The following KANK1 variants were observed in gnomAD, a reference collection of about 807,000 sequenced individuals.
KANK1 encodes KN motif and ankyrin repeat domains 1, also known as KN motif and ankyrin repeat domain-containing protein 1.
A neutral mutation model predicts 106.2 loss-of-function variants in KANK1; 109 were observed. The ratio of observed to expected loss-of-function variants is 1.03; its 90% CI spans 0.88 to 1.20. KANK1 has a LOEUF of 1.20. Among genes scored for constraint, KANK1 ranks in the 50% most tolerant of loss-of-function variants. The pLI is 0.00. For synonymous variants in KANK1, 873 were observed against 652.2 expected (o/e 1.34, Z -5.16); for missense variants, 2,399 against 1,710.7 (o/e 1.40, Z -7.10).
chr9:647,645 G>A lies in KANK1; in HGVS notation c.-83-29245G>A, dbSNP rs1839972716. 2.7e-5 allele frequency among the ~76,000 whole-genome samples: 4 copies of A among 150,746 alleles called. No individual in the cohort carries two copies. In the South Asian group the frequency reaches 8.3e-4, roughly 31 times the overall value. Reference sequence around the variant, plus strand: ...GTGAGTATCCATAGTGTCAAATGAGGGGAAACATTGTAACAATGTTAGGAG... The same window carrying A: ...GTGAGTATCCATAGTGTCAAATGAGAGGAAACATTGTAACAATGTTAGGAG... On this transcript the variant is annotated intron_variant, in intron 1 of 11. Coordinates refer to ENST00000382297, the MANE Select transcript of KANK1 (RefSeq NM_015158.5).
At chr9:662,743 T>C (rs1467232490) in intron 1 of KANK1, among the ~76,000 whole-genome samples, 1 of 150,382 alleles carries the variant, frequency 6.6e-6, no homozygotes, top group East Asian at 2.0e-4. Context: ...CTCACTGCAA[T>C]CTCCACCTCC....
At chr9:504,188 C>A (rs377288019), upstream of KANK1, among the ~76,000 whole-genome samples, 1 of 152,192 alleles carries the variant, frequency 6.6e-6, no homozygotes, top group Non-Finnish European at 1.5e-5. Context: ...CCGCCCCAGC[C>A]GGAGATGGGA....
At chr9:558,510 A>G (rs1815488120) in intron 1 of KANK1, among the ~76,000 whole-genome samples, 1 of 152,218 alleles carries the variant, frequency 6.6e-6, no homozygotes, top group African/African-American at 2.4e-5. Flanking sequence ...TTGTTGATTC[A>G]TTAACATTGA....
intron 2 of KANK1, among the ~76,000 whole-genome samples, chr9:679,594 T>C (rs183132087): frequency 2.8e-4 from 43 of 152,250 alleles, no homozygotes; most frequent in Non-Finnish European, 4.9e-4. Flanking sequence ...TTTGTATTTT[T>C]AGTAGAGATG....
chr9:687,035 C>CT lies in KANK1; in HGVS notation c.37+10035dup, dbSNP rs144038355. The CT allele has an allele frequency of 3.9e-4, 243 of 627,370 alleles. 1 individual carries two copies. The highest frequency in any genetic ancestry group is 7.1e-4 in the South Asian group (10 of 14,018). 38.9% of individuals were successfully genotyped at this position (627,370 alleles called of 1,614,324 possible). A position where few individuals can be genotyped will look rare whatever the true frequency, so the allele number is the denominator to read the frequency against. The stretch of plus-strand genomic sequence containing the variant: ...GATACTGCTGAATTTCTTTTCTTTT[C>CT]TTTTTTTTTAATACTGCTGCATTTC... On this transcript the variant is annotated intron_variant, in intron 2 of 11. Coordinates refer to ENST00000382297, the MANE Select transcript of KANK1 (RefSeq NM_015158.5).
intron 1 of KANK1, among the ~76,000 whole-genome samples, chr9:515,151 G>A (rs573021538): frequency 6.6e-6 from 1 of 151,708 alleles, no homozygotes; most frequent in South Asian, 2.1e-4. Context: ...AGACCATCCT[G>A]GCTAACACAG....
In KANK1 at chr9:609,067, G is replaced by A. The variant is rs116923265; in HGVS notation, c.-83-67823G>A. 1.1e-3 allele frequency among the ~76,000 whole-genome samples: 170 copies of A among 151,428 alleles called. 3 individuals carry two copies. The East Asian group carries it at 0.03, about 26-fold the overall frequency. ...ATCGTTGAAAATCTTCATGTTCTCA[G>A]AACTCAAAGGGAAGAAGACTTGACC... is the stretch of plus-strand genomic sequence containing the variant. On this transcript the variant is annotated intron_variant, in intron 1 of 11. Transcript: ENST00000382297.
chr9:561,099 A>G (rs1024493262), intron 1 of KANK1, among the ~76,000 whole-genome samples: 7 of 152,324 alleles, frequency 4.6e-5, no homozygotes, highest in Admixed American at 1.3e-4. Context: ...AGCCAGGGAA[A>G]TAAATGGACT....
intron 3 of KANK1, among the ~76,000 whole-genome samples, chr9:481,294 A>G (rs2058198749): frequency 7.4e-6 from 1 of 135,874 alleles, no homozygotes; most frequent in Non-Finnish European, 1.6e-5. Context: ...ACAAAACAAA[A>G]CAAAAAAAAA....
chr9:567,458 C>A (rs1256051639), intron 1 of KANK1, among the ~76,000 whole-genome samples: 4 of 152,156 alleles, frequency 2.6e-5, no homozygotes, highest in African/African-American at 9.7e-5. Flanking sequence ...TAAATTTTCC[C>A]CGAAGTTAGC....
intron 2 of KANK1, among the ~76,000 whole-genome samples, chr9:700,375 C>T (rs993327636): frequency 6.6e-6 from 1 of 152,184 alleles, no homozygotes; most frequent in Non-Finnish European, 1.5e-5. Context: ...ACAGTGTCAT[C>T]AGGAGATACC....
At chr9:688,847 G>T (rs1387346316) in intron 2 of KANK1, among the ~76,000 whole-genome samples, 1 of 152,190 alleles carries the variant, frequency 6.6e-6, no homozygotes, top group African/African-American at 2.4e-5. Flanking sequence ...CTCTGGTGCA[G>T]CTTGGTGGGC....
intron 2 of KANK1, among the ~76,000 whole-genome samples, chr9:685,104 A>G (rs1208875707): frequency 1.3e-5 from 2 of 152,180 alleles, no homozygotes; most frequent in Non-Finnish European, 2.9e-5. Context: ...TGAGTTACTC[A>G]TTTCCACATG....
In KANK1 at chr9:713,128, G is replaced by T; in HGVS notation, c.2362G>T (p.Val788Leu). 1.2e-6 allele frequency: 2 copies of T among 1,601,180 alleles called. No homozygotes were observed. The highest frequency in any genetic ancestry group is 8.5e-7 in the Non-Finnish European group (1 of 1,171,650). ...AGCTTGTGGGCCACCACAGTTGACTGTGGGGCTGACAGCCAGCAGAAGGAG... is the reference window on the plus strand; with the variant it reads ...AGCTTGTGGGCCACCACAGTTGACTTTGGGGCTGACAGCCAGCAGAAGGAG... ...TIACGPPQLT[V>L]GLTASRRSVG... Residue 788 changes from valine (V) to leucine (L), a missense_variant, in exon 3 of 12, where the codon GTG becomes TTG. By Grantham distance (32) the Val-to-Leu change is conservative. Coordinates refer to ENST00000382297, the MANE Select transcript of KANK1 (RefSeq NM_015158.5).
At chr9:719,277 T>A (rs1828662224) in intron 3 of KANK1, among the ~76,000 whole-genome samples, 1 of 152,174 alleles carries the variant, frequency 6.6e-6, no homozygotes. Context: ...TCAAGCCCTT[T>A]TTCTTAAAAA....
At chr9:652,389 G>A (rs770033281) in intron 1 of KANK1, among the ~76,000 whole-genome samples, 9 of 152,122 alleles carry the variant, frequency 5.9e-5, no homozygotes, top group Non-Finnish European at 1.2e-4. Flanking sequence ...CAGACATAGT[G>A]GTCTGCACCT....
At chr9:530,199 A>G (rs1331662185) in intron 1 of KANK1, among the ~76,000 whole-genome samples, 1 of 152,022 alleles carries the variant, frequency 6.6e-6, no homozygotes, top group African/African-American at 2.4e-5. Flanking sequence ...TCATCTTTTG[A>G]TTCGGGTTAT....
intron 2 of KANK1, chr9:693,469 C>T: frequency 1.0e-6 from 1 of 985,302 alleles, no homozygotes; most frequent in African/African-American, 1.7e-5. Context: ...TTTCATATGC[C>T]TGAAGAGTAT....
rs114264742 is a variant in KANK1, at chr9:650,863, A to G, written c.-83-26027A>G. 8.6e-3 allele frequency among the ~76,000 whole-genome samples: 1,310 copies of G among 152,298 alleles called. 26 individuals are homozygous for G. The highest frequency in any genetic ancestry group is 0.03 in the African/African-American group (1,240 of 41,534). ...TTATTTTACATCTATTAAAGGCTAC[A>G]AGGAAAGAAGTGGAGGGAAGGGCTG... On this transcript the variant is annotated intron_variant, in intron 1 of 11. Coordinates refer to ENST00000382297, the MANE Select transcript of KANK1 (RefSeq NM_015158.5).
Sources: allele counts gnomAD v4.1 joint callset (sites outside exome capture counted in the v4.1 genomes callset), GRCh38; gene constraint gnomAD v4.1.1; transcripts MANE v1.5; gene names NCBI Gene and HGNC (gene_info 2026-07-23, HGNC 2026-07-21).